The following ENTHD1 variants were observed in gnomAD, a reference collection of about 807,000 sequenced individuals.
ENTHD1 encodes the protein ENTH domain containing 1.
In ENTHD1, 23 loss-of-function variants were observed where a neutral mutation model predicts 39.1. That is an observed-to-expected ratio of 0.59 (90% CI 0.42 to 0.83). The LOEUF is 0.83. ENTHD1 is among the 40% of genes least tolerant of loss of function. The probability of loss-of-function intolerance (pLI) is 0.00; values close to 1 mark genes in which losing one functional copy is unlikely to be tolerated. For missense variants in ENTHD1, 624 were observed against 705.4 expected (o/e 0.88, Z 1.31); for synonymous variants, 230 against 258.2 (o/e 0.89, Z 1.05).
At chr22:39,798,890 A>T (rs1056719737) in intron 5 of ENTHD1, among the ~76,000 whole-genome samples, 19 of 151,322 alleles carry the variant, frequency 1.3e-4, no homozygotes, top group Non-Finnish European at 2.2e-4. Context: ...TGTGCAGTCC[A>T]CTCCCAAGGA....
rs999326158 is a variant in ENTHD1 at position 39,835,975 on chromosome 22, G to C, written c.593-17C>G. 1.3e-6 allele frequency: 2 copies of C among 1,561,422 alleles called. No individual in the cohort carries two copies. The highest frequency in any genetic ancestry group is 1.7e-6 in the Non-Finnish European group (2 of 1,149,596). On this transcript the variant is annotated splice_polypyrimidine_tract_variant and intron_variant, in intron 3 of 6. Coordinates refer to ENST00000325157, the MANE Select transcript of ENTHD1 (RefSeq NM_152512.4). ...ACACATTTCCTGTCAACAATATAAA[G>C]CTTAAGATTTTACTTTGGCAAAACA...
At chr22:39,754,719 G>T (rs1158004786) in intron 6 of ENTHD1, among the ~76,000 whole-genome samples, 1 of 152,132 alleles carries the variant, frequency 6.6e-6, no homozygotes, top group South Asian at 2.1e-4. Context: ...TCCACCTAAG[G>T]CTCCTGGCTA....
At chr22:39,824,201 C>CTTTTTTTTTTTT (rs71197195) in intron 4 of ENTHD1, among the ~76,000 whole-genome samples, 1 of 71,414 alleles carries the variant, frequency 1.4e-5, no homozygotes, top group Non-Finnish European at 2.5e-5. Flanking sequence ...TTGTCCAGTT[C>CTTTTTTTTTTTT]TTTTTTTTTT....
intron 3 of ENTHD1, among the ~76,000 whole-genome samples, chr22:39,846,987 G>A (rs537224895): frequency 3.8e-4 from 58 of 151,730 alleles, no homozygotes; most frequent in East Asian, 1.2e-3. Flanking sequence ...TCAGTGTGGC[G>A]ATTCCTCAGG....
At chr22:39,838,029 A>ACCT in intron 3 of ENTHD1, among the ~76,000 whole-genome samples, 2 of 152,322 alleles carry the variant, frequency 1.3e-5, no homozygotes, top group Admixed American at 1.3e-4. Context: ...AATTGAATGA[A>ACCT]CCAAATCTGA....
chr22:39,782,521 C>T (rs1434332056), intron 5 of ENTHD1, among the ~76,000 whole-genome samples: 2 of 151,932 alleles, frequency 1.3e-5, no homozygotes, highest in Non-Finnish European at 2.9e-5. Flanking sequence ...AAGAAAACTA[C>T]AGGCAAATAT....
chr22:39,840,989 C>T (rs1242382055), intron 3 of ENTHD1, among the ~76,000 whole-genome samples: 1 of 152,180 alleles, frequency 6.6e-6, no homozygotes, highest in Admixed American at 6.5e-5. Context: ...ATCCACCCAC[C>T]TCGGCCTCCC....
At chr22:39,802,222 G>C (rs535909561) in intron 5 of ENTHD1, among the ~76,000 whole-genome samples, 95 of 152,332 alleles carry the variant, frequency 6.2e-4, no homozygotes, top group African/African-American at 2.2e-3. Flanking sequence ...TTAACAAGAG[G>C]AAAGTATAAC....
chr22:39,804,401 A>G (rs982942840), intron 5 of ENTHD1, among the ~76,000 whole-genome samples: 7 of 148,748 alleles, frequency 4.7e-5, no homozygotes, highest in African/African-American at 1.7e-4. Flanking sequence ...TGGGAGGATC[A>G]CTTGACCCTA....
chr22:39,855,772 A>G (rs2066080083), intron 3 of ENTHD1, among the ~76,000 whole-genome samples: 1 of 152,190 alleles, frequency 6.6e-6, no homozygotes, highest in Admixed American at 6.5e-5. Flanking sequence ...ATGAGACTCA[A>G]AAATAGCCCT....
intron 3 of ENTHD1, among the ~76,000 whole-genome samples, chr22:39,857,267 A>G (rs947958083): frequency 4.0e-5 from 6 of 151,740 alleles, no homozygotes; most frequent in Non-Finnish European, 7.4e-5. Context: ...ACATGAAGGA[A>G]CCCCGTCTCT....
intron 1 of ENTHD1, among the ~76,000 whole-genome samples, chr22:39,890,962 C>G (rs1388555480): frequency 6.6e-6 from 1 of 152,142 alleles, no homozygotes; most frequent in African/African-American, 2.4e-5. Flanking sequence ...TTTTAGACAC[C>G]TGACTACATG....
rs1267561766 is a variant in ENTHD1, at chr22:39,832,443, TA to T, written c.711+3396del. Among the ~76,000 whole-genome samples, 5 of 152,210 alleles carry T rather than the reference TA, an allele frequency of 3.3e-5. No homozygotes were observed. The South Asian group carries it at 1.0e-3, about 32-fold the overall frequency. On this transcript the variant is annotated intron_variant, in intron 4 of 6. Transcript: ENST00000325157. ...GGAGATATGAAACAAAAAAAAGTTT[TA>T]AAAAGCTGCTGAAAGCCATTAAAAA...
intron 5 of ENTHD1, among the ~76,000 whole-genome samples, chr22:39,781,030 G>A (rs1220898658): frequency 6.7e-6 from 1 of 149,332 alleles, no homozygotes; most frequent in African/African-American, 2.5e-5. Context: ...AGATCTAAAA[G>A]GATCAACAGA....
chr22:39,870,874 A>G (rs2066236680), intron 2 of ENTHD1, among the ~76,000 whole-genome samples: 2 of 152,178 alleles, frequency 1.3e-5, no homozygotes, highest in East Asian at 3.8e-4. Flanking sequence ...ACCACTTTAC[A>G]GAACAGTAGA....
intron 6 of ENTHD1, among the ~76,000 whole-genome samples, chr22:39,760,385 C>A (rs1304776508): frequency 6.6e-6 from 1 of 151,832 alleles, no homozygotes; most frequent in Non-Finnish European, 1.5e-5. Context: ...ATGAAATGTT[C>A]TTTTTTAGTA....
chr22:39,841,624 G>A (rs2146686383), intron 3 of ENTHD1, among the ~76,000 whole-genome samples: 1 of 151,380 alleles, frequency 6.6e-6, no homozygotes, highest in African/African-American at 2.4e-5. Flanking sequence ...TTGAGCCTAT[G>A]TGTGTCTCTG....
At chr22:39,781,756 A>C (rs1248331370) in intron 5 of ENTHD1, among the ~76,000 whole-genome samples, 1 of 152,156 alleles carries the variant, frequency 6.6e-6, no homozygotes, top group African/African-American at 2.4e-5. Flanking sequence ...AAAATTGACA[A>C]ACTTTTGGTT....
intron 5 of ENTHD1, among the ~76,000 whole-genome samples, chr22:39,775,888 A>C (rs2065361609): frequency 6.6e-6 from 1 of 152,056 alleles, no homozygotes; most frequent in South Asian, 2.1e-4. Flanking sequence ...TGCAATGAAT[A>C]CTGTCTTTTT....
Sources: allele counts gnomAD v4.1 joint callset (sites outside exome capture counted in the v4.1 genomes callset), GRCh38; gene constraint gnomAD v4.1.1; transcripts MANE v1.5; gene names NCBI Gene and HGNC (gene_info 2026-07-23, HGNC 2026-07-21).